BICC1: variants seen among roughly 807,000 people sequenced by gnomAD.
BICC1 encodes the protein BicC family RNA binding protein 1.
Under a neutral mutation model 111.0 loss-of-function variants are expected in BICC1, and 43 were observed. The ratio of observed to expected loss-of-function variants is 0.39; its 90% confidence interval spans 0.30 to 0.50. The LOEUF is 0.50. Among genes scored for constraint, BICC1 ranks in the 20% least tolerant of loss-of-function variants. The probability of loss-of-function intolerance (pLI) is 0.88; values close to 1 mark genes in which losing one functional copy is unlikely to be tolerated. For missense variants in BICC1, 1,091 were observed against 1,203.2 expected (o/e 0.91, Z 1.38); for synonymous variants, 467 against 434.4 (o/e 1.07, Z -0.93).
chr10:58,575,661 C>T (rs1009963884), intron 1 of BICC1, among the ~76,000 whole-genome samples: 8 of 151,850 alleles, frequency 5.3e-5, no homozygotes, highest in Non-Finnish European at 8.8e-5. Flanking sequence ...GGACTTAACG[C>T]GATTTTCCTG....
intron 2 of BICC1, among the ~76,000 whole-genome samples, chr10:58,623,710 G>A (rs1254520966): frequency 1.3e-5 from 2 of 152,130 alleles, no homozygotes; most frequent in Non-Finnish European, 1.5e-5. Flanking sequence ...CTCCGTTGTT[G>A]AAGCTTGGTC....
At chr10:58,668,760 C>G (rs565743208) in intron 2 of BICC1, among the ~76,000 whole-genome samples, 5 of 152,080 alleles carry the variant, frequency 3.3e-5, no homozygotes, top group African/African-American at 1.2e-4. Context: ...AATGGTGCAT[C>G]TAGTTCAGTA....
At chr10:58,731,535 A>C (rs141249800) in intron 3 of BICC1, among the ~76,000 whole-genome samples, 1 of 152,358 alleles carries the variant, frequency 6.6e-6, no homozygotes, top group African/African-American at 2.4e-5. Flanking sequence ...TATAATAAAA[A>C]AATACATGAA....
chr10:58,547,078 C>T (rs764142088), intron 1 of BICC1, among the ~76,000 whole-genome samples: 4 of 152,180 alleles, frequency 2.6e-5, no homozygotes, highest in African/African-American at 4.8e-5. Flanking sequence ...TCCCCCTATA[C>T]GCCAAACCCA....
chr10:58,591,113 AT>A lies in BICC1; in HGVS notation c.191-29741del, dbSNP rs1844602032. 4.6e-5 allele frequency among the ~76,000 whole-genome samples: 7 copies of A among 152,078 alleles called. No homozygotes were observed. In the South Asian group the frequency reaches 1.5e-3, roughly 32 times the overall value. On this transcript the variant is annotated intron_variant, in intron 1 of 20. Transcript: ENST00000373886. ...TTTCTTTTCTGCACATCTGCTTAGC[AT>A]CATGTATTTGAAGGTGCCACATACA...
At position 58,637,025 on chromosome 10, in the gene BICC1, C is replaced by T. The variant is rs114465889; in HGVS notation, c.237+16124C>T. Among the ~76,000 whole-genome samples, 738 of 150,866 alleles carry T rather than the reference C, an allele frequency of 4.9e-3. 6 individuals carry two copies. Among genetic ancestry groups the T allele is most frequent in the African/African-American group, 0.017 (696 of 41,246 alleles). ...CTTTAGTTGCTTGAAAAAAACCACA[C>T]ACAGTTCTATAATATTTTTGGCAAT... On this transcript the variant is annotated intron_variant, in intron 2 of 20. Coordinates refer to ENST00000373886, the MANE Select transcript of BICC1 (RefSeq NM_001080512.3).
intron 12 of BICC1, among the ~76,000 whole-genome samples, chr10:58,799,889 T>A (rs140560617): frequency 2.1e-4 from 32 of 152,214 alleles, no homozygotes; most frequent in African/African-American, 7.5e-4. Context: ...CTGGGAAAAA[T>A]TATGTTTGTA....
At chr10:58,624,569 A>G (rs971693827) in intron 2 of BICC1, among the ~76,000 whole-genome samples, 1 of 152,102 alleles carries the variant, frequency 6.6e-6, no homozygotes, top group African/African-American at 2.4e-5. Context: ...GAAAAAAGTA[A>G]TCTGTAATCT....
intron 1 of BICC1, among the ~76,000 whole-genome samples, chr10:58,527,358 C>T (rs576955624): frequency 1.3e-5 from 2 of 152,246 alleles, no homozygotes; most frequent in South Asian, 4.1e-4. Flanking sequence ...AAATTTTCTC[C>T]TATTCTGTAC....
At chr10:58,517,486 A>G (rs1197344667) in intron 1 of BICC1, among the ~76,000 whole-genome samples, 1 of 152,208 alleles carries the variant, frequency 6.6e-6, no homozygotes, top group East Asian at 1.9e-4. Context: ...TTTTCATGAG[A>G]GCGGGAAGAA....
At chr10:58,808,200 T>G (rs1843774319) in intron 17 of BICC1, among the ~76,000 whole-genome samples, 1 of 152,156 alleles carries the variant, frequency 6.6e-6, no homozygotes, top group Non-Finnish European at 1.5e-5. Context: ...TTTTAAAGAT[T>G]GAAGTTACCT....
chr10:58,814,156 G>A (rs904768212), intron 18 of BICC1, 170 bp downstream of exon 18: 7 of 764,280 alleles, frequency 9.2e-6, no homozygotes, highest in African/African-American at 7.0e-5. Context: ...AGGCCACCTG[G>A]TTCTCTTTCC....
At chr10:58,694,844 C>A (rs1320650959) in intron 2 of BICC1, among the ~76,000 whole-genome samples, 1 of 152,132 alleles carries the variant, frequency 6.6e-6, no homozygotes, top group Admixed American at 6.5e-5. Flanking sequence ...GTTACTTCAG[C>A]ATTTATGGCT....
chr10:58,721,755 G>A (rs1840946996), intron 3 of BICC1, among the ~76,000 whole-genome samples: 1 of 152,156 alleles, frequency 6.6e-6, no homozygotes. Context: ...CAGCACGTAA[G>A]CAGGGCAGGA....
intron 3 of BICC1, among the ~76,000 whole-genome samples, chr10:58,712,847 G>A (rs1393252496): frequency 1.3e-5 from 2 of 152,088 alleles, no homozygotes; most frequent in Non-Finnish European, 2.9e-5. Context: ...ACAGTCCCCG[G>A]GGAGGCTGTG....
intron 3 of BICC1, among the ~76,000 whole-genome samples, chr10:58,730,598 T>A (rs980145163): frequency 6.6e-6 from 1 of 152,068 alleles, no homozygotes; most frequent in Non-Finnish European, 1.5e-5. Flanking sequence ...GCTCTGCCCC[T>A]GTAGCAGGCT....
intron 1 of BICC1, among the ~76,000 whole-genome samples, chr10:58,536,373 C>G (rs556059663): frequency 6.6e-6 from 1 of 151,808 alleles, no homozygotes; most frequent in Admixed American, 6.6e-5. Flanking sequence ...ATCACATCAA[C>G]CATATTCTCA....
At chr10:58,727,461 C>T (rs1349104239) in intron 3 of BICC1, among the ~76,000 whole-genome samples, 1 of 151,898 alleles carries the variant, frequency 6.6e-6, no homozygotes, top group Non-Finnish European at 1.5e-5. Context: ...GTAGTGTGTG[C>T]CTGCAGTCCC....
intron 2 of BICC1, among the ~76,000 whole-genome samples, chr10:58,649,119 G>A (rs1405222217): frequency 6.6e-6 from 1 of 152,186 alleles, no homozygotes; most frequent in Admixed American, 6.5e-5. Flanking sequence ...AAAGTGGTGG[G>A]AAATGGGTAG....
Sources: gnomAD v4.1 joint callset for allele counts (sites outside exome capture counted in the v4.1 genomes callset) on GRCh38, gnomAD v4.1.1 for gene constraint, MANE v1.5 for transcripts, NCBI Gene and HGNC (gene_info 2026-07-23, HGNC 2026-07-21) for gene names.